The following TANGO6 variants were observed in gnomAD, a reference collection of about 807,000 sequenced individuals.
TANGO6 encodes transport and Golgi organization protein 6 homolog.
TANGO6 carries 90 observed loss-of-function variants against 114.2 expected under a neutral mutation model. That is an observed-to-expected ratio of 0.79 (90% confidence interval 0.66 to 0.94). TANGO6 has a LOEUF of 0.94. Among genes scored for constraint, TANGO6 ranks in the 40% least tolerant of loss-of-function variants. TANGO6 has a pLI of 0.00. For synonymous variants in TANGO6, 477 were observed against 509.8 expected (o/e 0.94, Z 0.87); for missense variants, 1,274 against 1,315.3 (o/e 0.97, Z 0.49).
At chr16:68,865,834 C>T (rs1962168472) in intron 3 of TANGO6, among the ~76,000 whole-genome samples, 2 of 151,522 alleles carry the variant, frequency 1.3e-5, no homozygotes, top group Non-Finnish European at 2.9e-5. Flanking sequence ...AGGAGAATGG[C>T]GTGAACCCAG....
intron 14 of TANGO6, among the ~76,000 whole-genome samples, chr16:68,963,612 C>T (rs1390736319): frequency 1.3e-5 from 2 of 152,232 alleles, no homozygotes; most frequent in East Asian, 3.8e-4. Flanking sequence ...CTAGTGCACA[C>T]ACATAGGTGC....
chr16:68,844,392 T>C (rs111343708), intron 1 of TANGO6, among the ~76,000 whole-genome samples: 11 of 152,320 alleles, frequency 7.2e-5, no homozygotes, highest in African/African-American at 2.2e-4. Flanking sequence ...GCCCGAGATC[T>C]ACTGAACCCC....
At chr16:68,928,206 AT>A in intron 13 of TANGO6, 123 bp downstream of exon 13, 1 of 1,165,254 alleles carries the variant, frequency 8.6e-7, no homozygotes, top group Admixed American at 2.9e-5. Context: ...AAATTTGTGA[AT>A]TTTGTGAGGA....
intron 7 of TANGO6, among the ~76,000 whole-genome samples, chr16:68,887,878 A>G (rs1030056542): frequency 1.3e-5 from 2 of 152,028 alleles, no homozygotes; most frequent in Non-Finnish European, 2.9e-5. Flanking sequence ...GACTCTGTCT[A>G]AAAAACAGAA....
intron 15 of TANGO6, among the ~76,000 whole-genome samples, chr16:69,004,285 C>T (rs1272012592): frequency 6.6e-6 from 1 of 152,032 alleles, no homozygotes; most frequent in Non-Finnish European, 1.5e-5. Context: ...TATCTTGAAA[C>T]TCTAGTCATG....
chr16:69,031,890 T>C (rs1045391960), intron 16 of TANGO6, among the ~76,000 whole-genome samples: 1 of 151,960 alleles, frequency 6.6e-6, no homozygotes, highest in African/African-American at 2.4e-5. Context: ...CTCAAACTCC[T>C]GAGTTCATGC....
chr16:68,849,179 A>G (rs1219765494), intron 1 of TANGO6, among the ~76,000 whole-genome samples: 6 of 152,146 alleles, frequency 3.9e-5, no homozygotes, highest in Non-Finnish European at 1.5e-5. Flanking sequence ...TACTAAAAAT[A>G]CAAAAATTAG....
intron 17 of TANGO6, among the ~76,000 whole-genome samples, chr16:69,047,901 CT>C (rs2152236333): frequency 6.6e-6 from 1 of 152,242 alleles, no homozygotes; most frequent in African/African-American, 2.4e-5. Context: ...AGTTTTCTTC[CT>C]TGTAATCCCT....
chr16:68,893,399 C>T (rs139486928), intron 7 of TANGO6, among the ~76,000 whole-genome samples: 1 of 152,098 alleles, frequency 6.6e-6, no homozygotes. Flanking sequence ...AAAAAGGGAA[C>T]TTTCAGTGAT....
intron 15 of TANGO6, among the ~76,000 whole-genome samples, chr16:68,993,370 A>G (rs1267432221): frequency 1.3e-5 from 2 of 152,256 alleles, no homozygotes; most frequent in South Asian, 2.1e-4. Context: ...TTCTAATTCA[A>G]TATATGTATG....
intron 7 of TANGO6, among the ~76,000 whole-genome samples, chr16:68,883,120 C>T (rs1962487893): frequency 6.6e-6 from 1 of 152,200 alleles, no homozygotes; most frequent in Non-Finnish European, 1.5e-5. Context: ...TCACTTGAAC[C>T]TAGGAGATGG....
chr16:68,988,470 C>G (rs897724080), intron 15 of TANGO6, among the ~76,000 whole-genome samples: 1 of 152,182 alleles, frequency 6.6e-6, no homozygotes, highest in African/African-American at 2.4e-5. Flanking sequence ...TTCTCTCTTC[C>G]ATGCACATAG....
intron 17 of TANGO6, among the ~76,000 whole-genome samples, chr16:69,043,141 A>G (rs1180793877): frequency 6.6e-6 from 1 of 152,068 alleles, no homozygotes; most frequent in Non-Finnish European, 1.5e-5. Context: ...CAGGAGAATC[A>G]CTTGAACCGG....
intron 14 of TANGO6, among the ~76,000 whole-genome samples, chr16:68,953,334 C>T (rs1430106318): frequency 1.3e-5 from 2 of 152,024 alleles, no homozygotes; most frequent in Admixed American, 1.3e-4. Flanking sequence ...ACACCTGCCT[C>T]GGCCTCCCAA....
chr16:68,985,212 A>G (rs1409790493), intron 15 of TANGO6, among the ~76,000 whole-genome samples: 5 of 152,102 alleles, frequency 3.3e-5, no homozygotes, highest in Non-Finnish European at 7.4e-5. Flanking sequence ...TTATAATCTA[A>G]TTATGTAACT....
intron 14 of TANGO6, among the ~76,000 whole-genome samples, chr16:68,965,218 G>C (rs1054496223): frequency 1.7e-4 from 26 of 152,036 alleles, no homozygotes; most frequent in Admixed American, 5.2e-4. Flanking sequence ...GGAGTGCAGT[G>C]GCACGATCTC....
intron 14 of TANGO6, among the ~76,000 whole-genome samples, chr16:68,967,639 T>A (rs562251214): frequency 6.6e-6 from 1 of 152,370 alleles, no homozygotes; most frequent in East Asian, 1.9e-4. Context: ...AATGGAATTA[T>A]ACAATGTGTG....
intron 14 of TANGO6, among the ~76,000 whole-genome samples, chr16:68,933,262 A>C (rs1481365750): frequency 6.6e-6 from 1 of 152,146 alleles, no homozygotes; most frequent in Non-Finnish European, 1.5e-5. Context: ...TAAAAATACA[A>C]AAATTAGCCA....
At chr16:68,864,958 G>A (rs1962153332) in intron 3 of TANGO6, among the ~76,000 whole-genome samples, 1 of 152,102 alleles carries the variant, frequency 6.6e-6, no homozygotes, top group Admixed American at 6.6e-5. Context: ...AAATATTTCT[G>A]TTACTAATTT....
Sources: allele counts gnomAD v4.1 joint callset (sites outside exome capture counted in the v4.1 genomes callset), GRCh38; gene constraint gnomAD v4.1.1; transcripts MANE v1.5; gene names NCBI Gene and HGNC (gene_info 2026-07-23, HGNC 2026-07-21).